NMT2: variants seen among roughly 807,000 people sequenced by gnomAD.
NMT2 encodes N-myristoyltransferase 2.
In NMT2, 35 loss-of-function variants were observed where a neutral mutation model predicts 65.4. The ratio of observed to expected loss-of-function variants is 0.54; its 90% CI spans 0.41 to 0.71. The LOEUF is 0.71. Among genes scored for constraint, NMT2 ranks in the 30% least tolerant of loss-of-function variants. The probability of loss-of-function intolerance (pLI) is 0.00; values close to 1 mark genes in which losing one functional copy is unlikely to be tolerated. For synonymous variants in NMT2, 226 were observed against 231.8 expected (o/e 0.98, Z 0.23); for missense variants, 489 against 611.3 (o/e 0.80, Z 2.11).
At chr10:15,112,172 C>CCATATATATATA (rs1845540530) in intron 10 of NMT2, among the ~76,000 whole-genome samples, 1 of 49,994 alleles carries the variant, frequency 2.0e-5, no homozygotes, top group Non-Finnish European at 3.5e-5. Context: ...AAGATATGGG[C>CCATATATATATA]TTTATATATA....
chr10:15,143,846 C>T (rs1044981908), intron 1 of NMT2, among the ~76,000 whole-genome samples: 3 of 152,092 alleles, frequency 2.0e-5, no homozygotes, highest in African/African-American at 7.2e-5. Context: ...CAGAGTGAGA[C>T]CCTGTCTCAA....
At chr10:15,147,927 T>C (rs935332745) in intron 1 of NMT2, among the ~76,000 whole-genome samples, 10 of 152,236 alleles carry the variant, frequency 6.6e-5, no homozygotes, top group African/African-American at 2.4e-4. Flanking sequence ...GGTAAAGTGA[T>C]TATAAAAAAA....
chr10:15,134,359 A>ATGAT (rs1846397033), intron 3 of NMT2, among the ~76,000 whole-genome samples: 2 of 152,304 alleles, frequency 1.3e-5, no homozygotes, highest in South Asian at 4.1e-4. Flanking sequence ...TGACCGGGGC[A>ATGAT]GGCCTCAGCT....
chr10:15,120,200 G>A (rs765578852), intron 8 of NMT2, among the ~76,000 whole-genome samples: 32 of 152,338 alleles, frequency 2.1e-4, no homozygotes, highest in Admixed American at 5.2e-4. Context: ...GCTCATGCCT[G>A]TAATCCCAGC....
In NMT2 at chr10:15,154,755, A is replaced by G. The variant is rs573328879; in HGVS notation, c.111-13198T>C. 83 of 632,284 alleles carry G rather than the reference A, an allele frequency of 1.3e-4. 1 individual carries two copies. Among genetic ancestry groups the G allele is most frequent in the Non-Finnish European group, 2.2e-4 (74 of 344,086 alleles). 39.2% of individuals were successfully genotyped at this position (632,284 alleles called of 1,614,324 possible). ...GTGGAGGGTGTTCTTCTGAGCTACA[A>G]AAGGAATGGTCTGGTGGTTAAGATA... On this transcript the variant is annotated intron_variant, in intron 1 of 11. Coordinates refer to ENST00000378165, the MANE Select transcript of NMT2 (RefSeq NM_004808.3).
chr10:15,151,035 A>G (rs1358407270), intron 1 of NMT2, among the ~76,000 whole-genome samples: 2 of 149,438 alleles, frequency 1.3e-5, no homozygotes, highest in Non-Finnish European at 3.0e-5. Context: ...GTGGGAATGT[A>G]TATTCTATCT....
intron 11 of NMT2, 79 bp downstream of exon 11, chr10:15,109,623 C>T: frequency 8.9e-7 from 1 of 1,121,662 alleles, no homozygotes. Context: ...ATAAAGCTGT[C>T]TTAAGTCTAA....
rs139465778 is a variant in NMT2, at chr10:15,143,212, C to T, written c.111-1655G>A. On this transcript the variant is annotated intron_variant, in intron 1 of 11. Coordinates refer to ENST00000378165, the MANE Select transcript of NMT2 (RefSeq NM_004808.3). ...GGTAAAGCCTACTGCAACTTACTATCAAGTAATTATTGAACATTTACTATG... is the reference window on the plus strand; with the variant it reads ...GGTAAAGCCTACTGCAACTTACTATTAAGTAATTATTGAACATTTACTATG... 4.6e-5 allele frequency among the ~76,000 whole-genome samples: 7 copies of T among 152,316 alleles called. 1 individual carries two copies. The highest frequency in any genetic ancestry group is 1.0e-4 in the Non-Finnish European group (7 of 68,036).
In NMT2 at chr10:15,108,512, T is replaced by C. The variant is rs566087410; in HGVS notation, c.*683A>G. 3.5e-3 allele frequency: 3,471 copies of C among 985,706 alleles called. 8 individuals are homozygous for C. The highest frequency in any genetic ancestry group is 4.0e-3 in the Non-Finnish European group (3,333 of 830,164). 61.1% of individuals were successfully genotyped at this position (985,706 alleles called of 1,614,324 possible). On this transcript the variant is annotated 3_prime_UTR_variant, in exon 12 of 12. Transcript: ENST00000378165. Reference sequence around the variant, plus strand: ...AGGCTCTTTCAGAGAGCACAGTGAGTGCTTGCACAAAACTCTGCTTTTGAA... The same window carrying C: ...AGGCTCTTTCAGAGAGCACAGTGAGCGCTTGCACAAAACTCTGCTTTTGAA...
At chr10:15,140,996 C>T (rs778486372) in intron 2 of NMT2, 16 of 1,550,810 alleles carry the variant, frequency 1.0e-5, no homozygotes, top group Non-Finnish European at 1.7e-6. Context: ...CCCATGGCTG[C>T]TCCCGCTGAA....
intron 2 of NMT2, among the ~76,000 whole-genome samples, chr10:15,136,983 C>T (rs1846535087): frequency 6.6e-6 from 1 of 152,076 alleles, no homozygotes; most frequent in South Asian, 2.1e-4. Context: ...TGATACCATG[C>T]AAAGAATATT....
chr10:15,109,054 G>A lies in NMT2; in HGVS notation c.*141C>T. 2 of 1,506,062 alleles carry A rather than the reference G, an allele frequency of 1.3e-6. No homozygotes were observed. The highest frequency in any genetic ancestry group is 1.8e-6 in the Non-Finnish European group (2 of 1,137,726). The allele number at this position is 1,506,062 out of a possible 1,614,324, so 93.3% of individuals were successfully genotyped here. On this transcript the variant is annotated 3_prime_UTR_variant, in exon 12 of 12. Transcript: ENST00000378165. ...TAGAAACGTACAAATGTCACATGTG[G>A]ACTTTTGTCATCTTTTCTGATTATC... is the stretch of plus-strand genomic sequence containing the variant.
chr10:15,123,531 G>GAAAAAA (rs775699014), intron 8 of NMT2, among the ~76,000 whole-genome samples: 4 of 52,526 alleles, frequency 7.6e-5, no homozygotes, highest in Admixed American at 2.7e-4. Context: ...TCGTCTCACA[G>GAAAAAA]AAAAAAAAAA....
Position 15,108,574 on chromosome 10 carries a change from T to C in NMT2, c.*621A>G, listed in dbSNP as rs1050129655. The C allele has an allele frequency of 3.0e-6, 3 of 985,924 alleles. No individual in the cohort carries two copies. The highest frequency in any genetic ancestry group is 3.5e-5 in the African/African-American group (2 of 57,242). The allele number at this position is 985,924 out of a possible 1,614,324, so 61.1% of individuals were successfully genotyped here. A position where few individuals can be genotyped will look rare whatever the true frequency, so the allele number is the denominator to read the frequency against. ...ACCTGGTAAAGATCAAAGTACAAACTTGCATGTTTATTGATTCGGCAACTC... is the reference window on the plus strand; with the variant it reads ...ACCTGGTAAAGATCAAAGTACAAACCTGCATGTTTATTGATTCGGCAACTC... On this transcript the variant is annotated 3_prime_UTR_variant, in exon 12 of 12. Coordinates refer to ENST00000378165, the MANE Select transcript of NMT2 (RefSeq NM_004808.3).
intron 8 of NMT2, among the ~76,000 whole-genome samples, chr10:15,120,294 C>T (rs996280801): frequency 9.9e-5 from 15 of 152,128 alleles, no homozygotes; most frequent in African/African-American, 2.4e-4. Flanking sequence ...CCTGTCTCTA[C>T]GAAAAATGTA....
At chr10:15,165,892 G>T (rs1226168987) in intron 1 of NMT2, among the ~76,000 whole-genome samples, 2 of 135,540 alleles carry the variant, frequency 1.5e-5, no homozygotes, top group African/African-American at 3.0e-5. Flanking sequence ...AAAAAAAAAA[G>T]GTACATTTTC....
chr10:15,136,650 TC>T (rs1423432267), intron 2 of NMT2, among the ~76,000 whole-genome samples: 1 of 152,048 alleles, frequency 6.6e-6, no homozygotes. Context: ...AGACAAACTC[TC>T]CCACCAGAAG....
chr10:15,145,491 T>G (rs929488055), intron 1 of NMT2, among the ~76,000 whole-genome samples: 2 of 152,214 alleles, frequency 1.3e-5, no homozygotes, highest in African/African-American at 4.8e-5. Context: ...GTGATTCTCC[T>G]GCCTCAGTCT....
intron 8 of NMT2, among the ~76,000 whole-genome samples, chr10:15,126,851 C>T (rs1296590491): frequency 1.3e-5 from 2 of 152,212 alleles, no homozygotes; most frequent in Non-Finnish European, 2.9e-5. Flanking sequence ...AGTTTGTGGT[C>T]ATTTTTTACA....
Sources: gnomAD v4.1 joint callset for allele counts (sites outside exome capture counted in the v4.1 genomes callset) on GRCh38, gnomAD v4.1.1 for gene constraint, MANE v1.5 for transcripts, NCBI Gene and HGNC (gene_info 2026-07-23, HGNC 2026-07-21) for gene names.